The following PARVA variants were observed in gnomAD, a reference collection of about 807,000 sequenced individuals.
PARVA encodes the protein parvin alpha.
PARVA carries 25 observed loss-of-function variants against 52.6 expected under a neutral mutation model. The ratio of observed to expected loss-of-function variants is 0.48; its 90% CI spans 0.35 to 0.66. The LOEUF (loss-of-function observed/expected upper bound fraction) is 0.66, where lower values mean the gene tolerates loss of function less well. Ranked by LOEUF, PARVA falls within the 30% of genes least tolerant of loss-of-function variation. The pLI, the probability that PARVA is intolerant of heterozygous loss-of-function variation, is 0.01. For missense variants in PARVA, 373 were observed against 450.9 expected, an observed-to-expected ratio of 0.83 and a Z score of 1.56; for synonymous variants, 185 against 179.1, an observed-to-expected ratio of 1.03 and a Z score of -0.26.
At chr11:12,477,145 G>C (rs1941025677) in intron 3 of PARVA, 1 of 151,818 alleles carries the variant, frequency 6.6e-6, no homozygotes, top group Non-Finnish European at 1.5e-5. Flanking sequence ...GCCCAGGCTG[G>C]AGTGCAGTGG....
chr11:12,489,798 A>C (rs1212370525), intron 4 of PARVA, among the ~76,000 whole-genome samples: 4 of 152,246 alleles, frequency 2.6e-5, no homozygotes, highest in Non-Finnish European at 4.4e-5. Context: ...GGAACAAAAA[A>C]AGCCAAAAGA....
At chr11:12,440,569 G>A (rs1208768243) in intron 1 of PARVA, among the ~76,000 whole-genome samples, 1 of 152,226 alleles carries the variant, frequency 6.6e-6, no homozygotes, top group African/African-American at 2.4e-5. Flanking sequence ...TGGGTTCTCT[G>A]TTTAGAATCT....
At position 12,381,531 on chromosome 11, in the gene PARVA, A is replaced by G. The variant is rs1939486456; in HGVS notation, c.136+3748A>G. Among the ~76,000 whole-genome samples, 4 of 152,182 alleles carry G rather than the reference A, an allele frequency of 2.6e-5. No individual in the cohort carries two copies. The South Asian group carries it at 8.3e-4, about 32-fold the overall frequency. On this transcript the variant is annotated intron_variant, in intron 1 of 12. Coordinates refer to ENST00000334956, the MANE Select transcript of PARVA (RefSeq NM_018222.5). The stretch of plus-strand genomic sequence containing the variant: ...TTAGAATATAGTTGACCCTTGAACT[A>G]TGTGGGGGTTATGGACATTGACCCC...
chr11:12,473,327 A>G (rs534471489), intron 1 of PARVA, among the ~76,000 whole-genome samples: 2 of 152,194 alleles, frequency 1.3e-5, no homozygotes, highest in Non-Finnish European at 2.9e-5. Context: ...CAGCGTACAT[A>G]TAGCCTCAAA....
chr11:12,518,351 C>A, intron 11 of PARVA, 94 bp from the exon 12 acceptor site: 1 of 891,322 alleles, frequency 1.1e-6, no homozygotes, highest in Non-Finnish European at 1.8e-6. Flanking sequence ...CTCTGTCCCT[C>A]TGGCTACAGT....
At chr11:12,447,445 G>A (rs573331717) in intron 1 of PARVA, among the ~76,000 whole-genome samples, 10 of 152,290 alleles carry the variant, frequency 6.6e-5, no homozygotes, top group South Asian at 6.2e-4. Context: ...GGACCAGAGC[G>A]CCTTGCCGAG....
intron 1 of PARVA, among the ~76,000 whole-genome samples, chr11:12,423,693 G>T (rs1009188191): frequency 1.3e-5 from 2 of 152,066 alleles, no homozygotes; most frequent in Non-Finnish European, 2.9e-5. Context: ...ATATCAGGTT[G>T]TTCCACCAGC....
At chr11:12,420,078 A>G (rs1940126754) in intron 1 of PARVA, among the ~76,000 whole-genome samples, 1 of 152,186 alleles carries the variant, frequency 6.6e-6, no homozygotes, top group African/African-American at 2.4e-5. Context: ...GCATTCCTTG[A>G]AGTCTTTGAG....
chr11:12,426,118 C>A (rs760851024), intron 1 of PARVA, among the ~76,000 whole-genome samples: 1 of 152,122 alleles, frequency 6.6e-6, no homozygotes, highest in African/African-American at 2.4e-5. Flanking sequence ...ACAAGTCAAC[C>A]GACAAATAAG....
chr11:12,526,613 C>A (rs966748854), intron 12 of PARVA, among the ~76,000 whole-genome samples: 1 of 152,214 alleles, frequency 6.6e-6, no homozygotes, highest in South Asian at 2.1e-4. Flanking sequence ...GAGCTCCCTT[C>A]AACTTGCCCT....
At chr11:12,486,852 A>G (rs974936836) in intron 4 of PARVA, among the ~76,000 whole-genome samples, 1 of 152,220 alleles carries the variant, frequency 6.6e-6, no homozygotes, top group Non-Finnish European at 1.5e-5. Flanking sequence ...TCTCAAAACA[A>G]TAAATAAAAT....
Position 12,473,954 on chromosome 11 carries a change from A to G in PARVA, c.268A>G (p.Ser90Gly), listed in dbSNP as rs1303455316. 1.9e-6 allele frequency: 3 copies of G among 1,582,158 alleles called. No individual in the cohort carries two copies. Among genetic ancestry groups the G allele is most frequent in the Non-Finnish European group, 1.7e-6 (2 of 1,164,092 alleles). ...AACAATGGTGGATCCAAACTCACGC[A>G]GTGACCCCAAGCTTCAAGAACTGAT... ...VRTMVDPNSRSDPKLQELMKV... is the reference protein window; with the variant it reads ...VRTMVDPNSRGDPKLQELMKV... The change falls in exon 3 of 13, where the codon AGT becomes GGT. Residue 90 changes from serine to glycine, a missense_variant. Ser to Gly is a moderately conservative substitution (Grantham distance 56). Coordinates refer to ENST00000334956, the MANE Select transcript of PARVA (RefSeq NM_018222.5).
chr11:12,508,706 T>G (rs1589985312), intron 7 of PARVA, 64 bp downstream of exon 7: 1 of 1,219,060 alleles, frequency 8.2e-7, no homozygotes, highest in East Asian at 2.3e-5. Context: ...CTGAAATTCA[T>G]CCATTTGCTG....
At chr11:12,399,323 G>A (rs1347782761) in intron 1 of PARVA, among the ~76,000 whole-genome samples, 1 of 152,184 alleles carries the variant, frequency 6.6e-6, no homozygotes, top group Non-Finnish European at 1.5e-5. Flanking sequence ...ACCTACAGCA[G>A]AGGGGCAGTT....
At chr11:12,450,534 G>C (rs753016157) in intron 1 of PARVA, among the ~76,000 whole-genome samples, 1 of 152,152 alleles carries the variant, frequency 6.6e-6, no homozygotes, top group Non-Finnish European at 1.5e-5. Context: ...TATTAGTCAG[G>C]GTTCTCTAGA....
chr11:12,460,293 T>A (rs926555080), intron 1 of PARVA, among the ~76,000 whole-genome samples: 4 of 152,204 alleles, frequency 2.6e-5, no homozygotes, highest in Non-Finnish European at 5.9e-5. Context: ...GATCAAACCT[T>A]GGCTCCACTT....
At chr11:12,488,177 T>A (rs375439695) in intron 4 of PARVA, among the ~76,000 whole-genome samples, 1 of 152,180 alleles carries the variant, frequency 6.6e-6, no homozygotes. Flanking sequence ...GATGTGGTAT[T>A]AGGGACAAAT....
At chr11:12,517,185 C>T (rs538884537) in intron 10 of PARVA, among the ~76,000 whole-genome samples, 11 of 152,138 alleles carry the variant, frequency 7.2e-5, no homozygotes, top group East Asian at 3.9e-4. Flanking sequence ...TGCTTGTGGG[C>T]GACCTTTCTC....
intron 3 of PARVA, chr11:12,477,024 A>G (rs772809127): frequency 6.6e-6 from 1 of 152,112 alleles, no homozygotes; most frequent in Non-Finnish European, 1.5e-5. Context: ...TGGGGAGGGA[A>G]CTGTTCTGTA....
Sources: allele counts gnomAD v4.1 joint callset (sites outside exome capture counted in the v4.1 genomes callset), GRCh38; gene constraint gnomAD v4.1.1; transcripts MANE v1.5; gene names NCBI Gene and HGNC (gene_info 2026-07-23, HGNC 2026-07-21).